The following CNBD1 variants were observed in gnomAD, a reference collection of about 807,000 sequenced individuals.
CNBD1 encodes cyclic nucleotide binding domain containing 1.
A neutral mutation model predicts 54.4 loss-of-function variants in CNBD1; 71 were observed. The ratio of observed to expected loss-of-function variants is 1.30; its 90% CI spans 1.08 to 1.59. CNBD1 has a LOEUF of 1.59. Among genes scored for constraint, CNBD1 ranks in the 40% most tolerant of loss-of-function variants. The probability of loss-of-function intolerance (pLI) is 0.00; values close to 1 mark genes in which losing one functional copy is unlikely to be tolerated. For missense variants in CNBD1, 659 were observed against 518.0 expected, an observed-to-expected ratio of 1.27 and a Z score of -2.64; for synonymous variants, 182 against 170.7, an observed-to-expected ratio of 1.07 and a Z score of -0.51.
At chr8:87,290,741 G>C (rs1002978289) in intron 8 of CNBD1, among the ~76,000 whole-genome samples, 1 of 152,106 alleles carries the variant, frequency 6.6e-6, no homozygotes, top group African/African-American at 2.4e-5. Context: ...CAGGGTGTAG[G>C]ATTTGAAGCT....
chr8:86,987,655 T>C (rs1044133008), intron 4 of CNBD1, among the ~76,000 whole-genome samples: 4 of 152,220 alleles, frequency 2.6e-5, no homozygotes, highest in Non-Finnish European at 4.4e-5. Context: ...AGATGGCTCT[T>C]ATTATTTTGA....
At chr8:86,958,303 T>G (rs1363175560) in intron 4 of CNBD1, among the ~76,000 whole-genome samples, 5 of 152,240 alleles carry the variant, frequency 3.3e-5, no homozygotes, top group Non-Finnish European at 7.3e-5. Context: ...AGAGTGTATA[T>G]TCTGTTGATT....
intron 1 of CNBD1, among the ~76,000 whole-genome samples, chr8:86,868,762 C>G (rs1808399432): frequency 6.6e-6 from 1 of 152,040 alleles, no homozygotes; most frequent in African/African-American, 2.4e-5. Flanking sequence ...AATTAACGGT[C>G]CCAGTGATAT....
chr8:86,889,918 A>T (rs528472213), intron 2 of CNBD1, among the ~76,000 whole-genome samples: 1 of 152,122 alleles, frequency 6.6e-6, no homozygotes, highest in Admixed American at 6.6e-5. Context: ...GTTAGGATAG[A>T]TATGGATTTA....
At chr8:87,058,797 G>A (rs1810480024) in intron 4 of CNBD1, among the ~76,000 whole-genome samples, 1 of 152,170 alleles carries the variant, frequency 6.6e-6, no homozygotes, top group African/African-American at 2.4e-5. Flanking sequence ...GTGATGGGAA[G>A]GTCTCTGACA....
At position 87,195,643 on chromosome 8, in the gene CNBD1, G is replaced by A. The variant is rs558003619; in HGVS notation, c.432-10350G>A. ...GGCTAGAGTGCAATGGTGCAATCTC[G>A]GCTCACTGCGACCTCTGCCTCTTGG... is the stretch of plus-strand genomic sequence containing the variant. On this transcript the variant is annotated intron_variant, in intron 4 of 10. Coordinates refer to ENST00000518476, the MANE Select transcript of CNBD1 (RefSeq NM_173538.3). Among the ~76,000 whole-genome samples, 111 of 150,880 alleles carry A rather than the reference G, an allele frequency of 7.4e-4. 1 individual carries two copies. Among genetic ancestry groups the A allele is most frequent in the African/African-American group, 2.5e-3 (102 of 41,046 alleles).
chr8:86,956,334 C>G (rs560036706), intron 4 of CNBD1, among the ~76,000 whole-genome samples: 4,125 of 152,068 alleles, frequency 0.027, 167 homozygotes, highest in African/African-American at 0.086. Flanking sequence ...GGTTCCATAT[C>G]AACTTTAAAG....
chr8:86,950,618 T>A (rs1454191423), intron 4 of CNBD1, among the ~76,000 whole-genome samples: 2 of 152,144 alleles, frequency 1.3e-5, no homozygotes, highest in African/African-American at 4.8e-5. Flanking sequence ...TTTTAATGTG[T>A]CTTTGTCTGG....
At chr8:86,868,575 C>CA (rs869096010) in intron 1 of CNBD1, among the ~76,000 whole-genome samples, 64 of 29,156 alleles carry the variant, frequency 2.2e-3, no homozygotes, top group African/African-American at 8.4e-3. Context: ...TCGTGATCTG[C>CA]CCCCCTCAGC....
intron 4 of CNBD1, among the ~76,000 whole-genome samples, chr8:87,137,495 G>C (rs973357806): frequency 6.6e-6 from 1 of 151,850 alleles, no homozygotes; most frequent in Non-Finnish European, 1.5e-5. Flanking sequence ...AGCCACCGCG[G>C]CCGGCCAGAT....
At chr8:87,405,528 C>T (rs1328699791) in intron 2 of CNBD1, among the ~76,000 whole-genome samples, 3 of 152,026 alleles carry the variant, frequency 2.0e-5, no homozygotes, top group Admixed American at 1.3e-4. Flanking sequence ...AGCAATAATT[C>T]GTAAGTGGTT....
chr8:87,332,300 A>T (rs1177012402), intron 8 of CNBD1, among the ~76,000 whole-genome samples: 4 of 151,344 alleles, frequency 2.6e-5, no homozygotes, highest in Admixed American at 6.6e-5. Flanking sequence ...GTGAGCTGAA[A>T]TTGTGCCATT....
chr8:87,081,050 T>C (rs1394987881), intron 4 of CNBD1, among the ~76,000 whole-genome samples: 5 of 152,054 alleles, frequency 3.3e-5, no homozygotes, highest in Non-Finnish European at 7.4e-5. Flanking sequence ...TTGTTTTGTG[T>C]TTAATTTGCT....
At chr8:87,353,048 G>C (rs1191416636) in intron 9 of CNBD1, among the ~76,000 whole-genome samples, 1 of 152,090 alleles carries the variant, frequency 6.6e-6, no homozygotes, top group Non-Finnish European at 1.5e-5. Flanking sequence ...ATTTTCTCCA[G>C]AACCATTCAT....
At chr8:87,422,815 G>T (rs201047310) in intron 2 of CNBD1, among the ~76,000 whole-genome samples, 2,266 of 152,072 alleles carry the variant, frequency 0.015, 56 homozygotes, top group African/African-American at 0.048. Context: ...GTGAAGAAAG[G>T]CATTGGTAGC....
chr8:87,160,692 C>G (rs891475785), intron 4 of CNBD1, among the ~76,000 whole-genome samples: 1 of 151,990 alleles, frequency 6.6e-6, no homozygotes, highest in Non-Finnish European at 1.5e-5. Flanking sequence ...ATGGTAGAAT[C>G]AAAAGGCACT....
intron 2 of CNBD1, among the ~76,000 whole-genome samples, chr8:87,417,011 A>G (rs556594827): frequency 7.9e-5 from 12 of 152,222 alleles, no homozygotes; most frequent in African/African-American, 2.6e-4. Context: ...TCATAGTAAT[A>G]TGAATCATTG....
intron 10 of CNBD1, among the ~76,000 whole-genome samples, chr8:87,363,582 G>C (rs1287931679): frequency 6.6e-6 from 1 of 152,030 alleles, no homozygotes; most frequent in Non-Finnish European, 1.5e-5. Context: ...TTGTGGTTTT[G>C]ATTTGCATTT....
intron 4 of CNBD1, among the ~76,000 whole-genome samples, chr8:87,025,542 G>T (rs1412543634): frequency 1.3e-5 from 2 of 151,282 alleles, no homozygotes; most frequent in Non-Finnish European, 2.9e-5. Context: ...CTTTACTCTT[G>T]AAATCAGCGA....
Sources: allele counts gnomAD v4.1 joint callset (sites outside exome capture counted in the v4.1 genomes callset), GRCh38; gene constraint gnomAD v4.1.1; transcripts MANE v1.5; gene names NCBI Gene and HGNC (gene_info 2026-07-23, HGNC 2026-07-21).